Variants in AFF3 observed in about 807,000 individuals in gnomAD.
AFF3 encodes the protein AF4/FMR2 family member 3.
A neutral mutation model predicts 129.7 loss-of-function variants in AFF3; 32 were observed. The observed-to-expected ratio is 0.25, with a 90% CI of 0.19 to 0.33. The LOEUF (loss-of-function observed/expected upper bound fraction) is 0.33. Ranked by LOEUF, AFF3 falls within the 10% of genes least tolerant of loss-of-function variation. AFF3 has a pLI of 1.00. For synonymous variants in AFF3, 644 were observed against 635.4 expected (o/e 1.01, Z -0.20); for missense variants, 1,373 against 1,592.0 (o/e 0.86, Z 2.34).
At chr2:99,978,522 G>A (rs992342823) in intron 7 of AFF3, among the ~76,000 whole-genome samples, 3 of 152,214 alleles carry the variant, frequency 2.0e-5, no homozygotes, top group Non-Finnish European at 4.4e-5. Context: ...GGACACCATC[G>A]GGATAACGGG....
chr2:100,045,130 G>A (rs1403445646), intron 4 of AFF3, among the ~76,000 whole-genome samples: 1 of 152,108 alleles, frequency 6.6e-6, no homozygotes, highest in Non-Finnish European at 1.5e-5. Context: ...AGGAAGGGGA[G>A]GGGGACTGGC....
At chr2:100,139,810 C>T (rs1185851015) in intron 1 of AFF3, among the ~76,000 whole-genome samples, 2 of 152,124 alleles carry the variant, frequency 1.3e-5, no homozygotes, top group Admixed American at 1.3e-4. Flanking sequence ...GTTTGTCAGA[C>T]TTGGAAATAC....
chr2:100,057,146 CTCTGT>C (rs1559093159), intron 4 of AFF3, among the ~76,000 whole-genome samples: 20 of 152,154 alleles, frequency 1.3e-4, no homozygotes, highest in African/African-American at 4.8e-4. Context: ...CACGGTGAAA[CTCTGT>C]CTCAACCAAA....
intron 4 of AFF3, 31 bp downstream of exon 4, chr2:100,104,371 C>A: frequency 2.8e-6 from 3 of 1,056,812 alleles, no homozygotes; most frequent in Non-Finnish European, 3.5e-6. Flanking sequence ...GCCGCTCCCG[C>A]CCGCCCGAAG....
chr2:99,565,500 C>T lies in AFF3; in HGVS notation c.3106G>A (p.Val1036Ile), dbSNP rs145288389. 3.2e-5 allele frequency: 52 copies of T among 1,614,034 alleles called. No homozygotes were observed. The highest frequency in any genetic ancestry group is 4.2e-5 in the Non-Finnish European group (49 of 1,179,980). Residue 1036 changes from valine to isoleucine, a missense_variant, in exon 20 of 25, where the codon GTA (valine) becomes ATA (isoleucine). Val to Ile is a conservative substitution (Grantham distance 29). Around this residue, in one of 9 missense-constraint regions of AFF3, gnomAD observed 65 missense variants for 102.1 expected, o/e 0.64. Transcript: ENST00000672756. Reference sequence around the variant, plus strand: ...CACGGTGCTTACCTGATGAGCTCTACTGTTTCTGAATACATCGTATAAGGA... The same window carrying T: ...CACGGTGCTTACCTGATGAGCTCTATTGTTTCTGAATACATCGTATAAGGA... ...KSPYTMYSETVELIRYAMRLK... is the reference protein window; with the variant it reads ...KSPYTMYSETIELIRYAMRLK...
chr2:99,935,961 C>T (rs1345298800), intron 7 of AFF3, among the ~76,000 whole-genome samples: 4 of 152,136 alleles, frequency 2.6e-5, no homozygotes, highest in East Asian at 1.9e-4. Context: ...CCCGGTTACT[C>T]GTCCTCAGTT....
chr2:99,745,292 T>C (rs1681063313), intron 9 of AFF3, among the ~76,000 whole-genome samples: 1 of 152,226 alleles, frequency 6.6e-6, no homozygotes, highest in African/African-American at 2.4e-5. Context: ...CATTTATGAT[T>C]TGCAGTATTT....
intron 10 of AFF3, among the ~76,000 whole-genome samples, chr2:99,736,243 C>T (rs1047267784): frequency 1.3e-5 from 2 of 152,152 alleles, no homozygotes; most frequent in African/African-American, 4.8e-5. Flanking sequence ...TACATTTCCC[C>T]TTGTAATTTG....
chr2:99,572,365 T>C (rs1326627799), intron 18 of AFF3, among the ~76,000 whole-genome samples: 2 of 134,362 alleles, frequency 1.5e-5, no homozygotes, highest in African/African-American at 5.5e-5. Context: ...ACCCCCATAT[T>C]TCTTCTGGCA....
At position 100,107,618 on chromosome 2, in the gene AFF3, C is replaced by T. The variant is rs1053482856; in HGVS notation, c.-144-2035G>A. 7 of 598,258 alleles carry T rather than the reference C, an allele frequency of 1.2e-5. No homozygotes were observed. The African/African-American group carries it at 1.4e-4, about 12-fold the overall frequency. The allele number at this position is 598,258 out of a possible 1,614,324, so 37.1% of individuals were successfully genotyped here. On this transcript the variant is annotated intron_variant, in intron 2 of 24. Coordinates refer to ENST00000672756, the MANE Select transcript of AFF3 (RefSeq NM_001386135.1). ...CCCCTGGGAGCTGAATCAAACCACC[C>T]AGCTAAGGGGAGGGCTGCTGGGGGA...
chr2:99,728,868 G>A (rs985530782), intron 10 of AFF3, among the ~76,000 whole-genome samples: 5 of 152,158 alleles, frequency 3.3e-5, no homozygotes, highest in Admixed American at 2.0e-4. Flanking sequence ...AAGGTCTGTG[G>A]TGCACTCATT....
intron 7 of AFF3, among the ~76,000 whole-genome samples, chr2:99,950,028 ACTCTT>A (rs1384730845): frequency 5.3e-5 from 8 of 152,104 alleles, no homozygotes; most frequent in African/African-American, 1.7e-4. Flanking sequence ...AAATCACTCT[ACTCTT>A]CTATTTTCCC....
At chr2:99,572,063 A>G (rs1219157252) in intron 18 of AFF3, among the ~76,000 whole-genome samples, 2 of 151,976 alleles carry the variant, frequency 1.3e-5, no homozygotes, top group Admixed American at 6.6e-5. Context: ...ATTGTTTCCC[A>G]CAGTGATGGT....
chr2:99,888,019 A>C (rs557498525), intron 7 of AFF3, among the ~76,000 whole-genome samples: 5 of 152,342 alleles, frequency 3.3e-5, no homozygotes, highest in African/African-American at 1.2e-4. Flanking sequence ...TTGTAATCAA[A>C]ATCAGCAAGT....
At chr2:99,824,276 C>A (rs1460811209) in intron 8 of AFF3, among the ~76,000 whole-genome samples, 2 of 152,062 alleles carry the variant, frequency 1.3e-5, no homozygotes, top group Non-Finnish European at 2.9e-5. Flanking sequence ...CCACCATGCC[C>A]AGCTAATTTT....
At chr2:99,587,609 C>T (rs1415376614) in intron 15 of AFF3, among the ~76,000 whole-genome samples, 1 of 152,216 alleles carries the variant, frequency 6.6e-6, no homozygotes, top group African/African-American at 2.4e-5. Flanking sequence ...GCAGCTCCAG[C>T]GGCACTCACC....
intron 13 of AFF3, among the ~76,000 whole-genome samples, chr2:99,608,568 T>C (rs1249321750): frequency 6.6e-6 from 1 of 152,144 alleles, no homozygotes; most frequent in Non-Finnish European, 1.5e-5. Flanking sequence ...ATGAGTGAAG[T>C]GTTCAGGTAT....
chr2:99,746,316 G>C (rs1415911967), intron 9 of AFF3, among the ~76,000 whole-genome samples: 2 of 66,430 alleles, frequency 3.0e-5, no homozygotes, highest in African/African-American at 7.3e-5. Context: ...TGTTCCACGA[G>C]TATAGCTGTT....
At chr2:99,741,000 A>G (rs2105113752) in intron 10 of AFF3, among the ~76,000 whole-genome samples, 1 of 152,346 alleles carries the variant, frequency 6.6e-6, no homozygotes, top group South Asian at 2.1e-4. Flanking sequence ...GAAGGCATCC[A>G]GTTTCAGCTT....
Sources: gnomAD v4.1 joint callset for allele counts (sites outside exome capture counted in the v4.1 genomes callset) on GRCh38, gnomAD v4.1.1 for gene constraint, gnomAD v4.1.1 regional missense constraint, MANE v1.5 for transcripts, NCBI Gene and HGNC (gene_info 2026-07-23, HGNC 2026-07-21) for gene names.